ZBTB49: variants seen among roughly 807,000 people sequenced by gnomAD.
The protein encoded by ZBTB49 is zinc finger and BTB domain-containing protein 49.
In ZBTB49, 43 loss-of-function variants were observed where a neutral mutation model predicts 57.5. That is an observed-to-expected ratio of 0.75 (90% CI 0.59 to 0.97). The LOEUF (loss-of-function observed/expected upper bound fraction) is 0.97. Ranked by LOEUF, ZBTB49 falls within the 50% of genes least tolerant of loss-of-function variation. The probability of loss-of-function intolerance (pLI) is 0.00; values close to 1 mark genes in which losing one functional copy is unlikely to be tolerated. For missense variants in ZBTB49, 938 were observed against 947.7 expected, an observed-to-expected ratio of 0.99 and a Z score of 0.13; for synonymous variants, 369 against 362.1, an observed-to-expected ratio of 1.02 and a Z score of -0.22.
Position 4,315,968 on chromosome 4 carries a change from G to C in ZBTB49, c.1619G>C (p.Cys540Ser). 6.2e-7 allele frequency: 1 copy of C among 1,613,798 alleles called. No individual in the cohort carries two copies. The highest frequency in any genetic ancestry group is 8.5e-7 in the Non-Finnish European group (1 of 1,179,904). ...GAGCGGCCTTACAGCTGCTCTGCCT[G>C]CGGTGAGTTTGGGTTTCTGGCTGTC... ...TGERPYSCSA[C>S]GKCFGGSGDL... Residue 540 changes from cysteine (C) to serine (S), a missense_variant and splice_region_variant, in exon 7 of 8, where the codon TGC becomes TCC. Physicochemically the swap from Cys to Ser is moderately radical, Grantham distance 112 (BLOSUM62 -1). This residue lies in a region of ZBTB49 where 835 missense variants were observed against 819.1 expected (regional missense o/e 1.02). Coordinates refer to ENST00000337872, the MANE Select transcript of ZBTB49 (RefSeq NM_145291.4).
At chr4:4,297,893 A>G (rs940034662) in intron 1 of ZBTB49, among the ~76,000 whole-genome samples, 1 of 152,172 alleles carries the variant, frequency 6.6e-6, no homozygotes, top group Non-Finnish European at 1.5e-5. Flanking sequence ...AAAGGCTTTC[A>G]GAGGAGAGCG....
At chr4:4,298,908 T>C (rs188694185) in intron 1 of ZBTB49, among the ~76,000 whole-genome samples, 2 of 152,378 alleles carry the variant, frequency 1.3e-5, no homozygotes, top group South Asian at 4.1e-4. Flanking sequence ...TCAGGCACTT[T>C]CGTGTGTGTG....
chr4:4,308,483 T>C (rs1012363145), intron 4 of ZBTB49, among the ~76,000 whole-genome samples: 2 of 152,200 alleles, frequency 1.3e-5, no homozygotes, highest in African/African-American at 2.4e-5. Context: ...TTACCAAGGG[T>C]AGCCCTGCCC....
intron 3 of ZBTB49, among the ~76,000 whole-genome samples, chr4:4,305,805 C>T (rs1282317060): frequency 6.6e-6 from 1 of 152,112 alleles, no homozygotes; most frequent in African/African-American, 2.4e-5. Context: ...AATAGGTGAG[C>T]GGGATCGTGC....
chr4:4,318,681 T>C (rs1323548613), intron 7 of ZBTB49, among the ~76,000 whole-genome samples: 1 of 152,186 alleles, frequency 6.6e-6, no homozygotes, highest in African/African-American at 2.4e-5. Context: ...GCAGCCACCG[T>C]GTGCAGCAGT....
At position 4,321,167 on chromosome 4, in the gene ZBTB49, G is replaced by C. The variant is rs1466821443; in HGVS notation, c.2149G>C (p.Ala717Pro). ...DGMAMIRSSL[A>P]ALDNHGGDPL... The stretch of plus-strand genomic sequence containing the variant: ...CATGGCCATGATCCGTTCCTCTCTG[G>C]CTGCTTTGGACAACCACGGCGGTGA... The change falls in exon 8 of 8, where the codon GCT (alanine) becomes CCT (proline). Residue 717 changes from alanine (A) to proline (P), a missense_variant. By Grantham distance (27) the Ala-to-Pro change is conservative (BLOSUM62 -1). Coordinates refer to ENST00000337872, the MANE Select transcript of ZBTB49 (RefSeq NM_145291.4). 6.2e-7 allele frequency: 1 copy of C among 1,614,166 alleles called. No homozygotes were observed. Among genetic ancestry groups the C allele is most frequent in the Non-Finnish European group, 8.5e-7 (1 of 1,180,038 alleles).
At chr4:4,304,065 C>T (rs939253110) in intron 3 of ZBTB49, among the ~76,000 whole-genome samples, 3 of 151,958 alleles carry the variant, frequency 2.0e-5, no homozygotes, top group Admixed American at 1.3e-4. Flanking sequence ...TGTGAAGGCC[C>T]TTTATACATT....
chr4:4,299,862 A>G lies in ZBTB49; in HGVS notation c.-19-65A>G. ...AAGCACAGATCAATCAGTAAGTTTC[A>G]GTCCCATTTAGTTTCCAGTGAGGTC... is the stretch of plus-strand genomic sequence containing the variant. On this transcript the variant is annotated intron_variant, in intron 1 of 7. Coordinates refer to ENST00000337872, the MANE Select transcript of ZBTB49 (RefSeq NM_145291.4). The G allele has an allele frequency of 2.7e-6, 4 of 1,477,930 alleles. No homozygotes were observed. In the South Asian group the frequency reaches 4.9e-5, roughly 18 times the overall value. 91.6% of individuals were successfully genotyped at this position (1,477,930 alleles called of 1,614,324 possible).
At chr4:4,312,534 G>C (rs1032647312) in intron 4 of ZBTB49, among the ~76,000 whole-genome samples, 1 of 152,216 alleles carries the variant, frequency 6.6e-6, no homozygotes, top group Non-Finnish European at 1.5e-5. Context: ...AAACCTGTCA[G>C]AAAGAACCAA....
chr4:4,292,109 C>T (rs1041799273), intron 1 of ZBTB49, among the ~76,000 whole-genome samples: 1 of 152,042 alleles, frequency 6.6e-6, no homozygotes, highest in Non-Finnish European at 1.5e-5. Flanking sequence ...CCCCACCCCT[C>T]GTCCTTACTA....
chr4:4,315,662 G>A lies in ZBTB49; in HGVS notation c.1403G>A (p.Arg468His), dbSNP rs751971351. 38 of 1,614,066 alleles carry A rather than the reference G, an allele frequency of 2.4e-5. No homozygotes were observed. The highest frequency in any genetic ancestry group is 3.3e-5 in the South Asian group (3 of 91,070). Residue 468 changes from arginine (R) to histidine (H), a missense_variant, in exon 6 of 8, where the codon CGT becomes CAT. Arg to His is a conservative substitution (Grantham distance 29). This residue lies in a region of ZBTB49 where 835 missense variants were observed against 819.1 expected (regional missense o/e 1.02). Transcript: ENST00000337872. ...TTTGCAGCCTCTGGCGACGTCCAGCGTCACATTATTATTCACTCAGGAGAA... is the reference window on the plus strand; with the variant it reads ...TTTGCAGCCTCTGGCGACGTCCAGCATCACATTATTATTCACTCAGGAGAA... Reference protein sequence around the residue: ...KRFAASGDVQRHIIIHSGEKP... With the variant: ...KRFAASGDVQHHIIIHSGEKP...
chr4:4,298,268 T>C (rs1720308935), intron 1 of ZBTB49, among the ~76,000 whole-genome samples: 1 of 152,158 alleles, frequency 6.6e-6, no homozygotes, highest in Non-Finnish European at 1.5e-5. Context: ...TGCCACATAC[T>C]TGGAGTAATG....
At chr4:4,303,648 A>G (rs1720601990) in intron 3 of ZBTB49, among the ~76,000 whole-genome samples, 2 of 152,070 alleles carry the variant, frequency 1.3e-5, no homozygotes, top group African/African-American at 2.4e-5. Context: ...AATTCTTCCA[A>G]TTTAAACATT....
chr4:4,319,540 G>A (rs1721322237), intron 7 of ZBTB49, among the ~76,000 whole-genome samples: 1 of 152,208 alleles, frequency 6.6e-6, no homozygotes, highest in African/African-American at 2.4e-5. Context: ...TGAATACAGG[G>A]CCAGGCGCCA....
In ZBTB49 at chr4:4,315,891, G is replaced by C; in HGVS notation, c.1542G>C (p.Lys514Asn). The change falls in exon 7 of 8, where the codon AAG becomes AAC. Residue 514 changes from lysine (K) to asparagine (N), a missense_variant. By Grantham distance (94) the Lys-to-Asn change is moderately conservative. Transcript: ENST00000337872. ...DKVFTCDECG[K>N]SFNMQRKLVK... is the part of the protein sequence containing the mutation. ...TCTTCACCTGTGATGAGTGTGGAAAGTCTTTTAATATGCAAAGGAAGTTAG... is the reference window on the plus strand; with the variant it reads ...TCTTCACCTGTGATGAGTGTGGAAACTCTTTTAATATGCAAAGGAAGTTAG... 1 of 1,614,220 alleles carries C rather than the reference G, an allele frequency of 6.2e-7. No individual in the cohort carries two copies. Among genetic ancestry groups the C allele is most frequent in the South Asian group, 1.1e-5 (1 of 91,086 alleles).
intron 1 of ZBTB49, among the ~76,000 whole-genome samples, chr4:4,295,058 T>C (rs1720128446): frequency 6.6e-6 from 1 of 152,174 alleles, no homozygotes; most frequent in Admixed American, 6.5e-5. Flanking sequence ...ATATCTTAAT[T>C]GTTTCTCTTG....
At chr4:4,309,375 G>T (rs571697367) in intron 4 of ZBTB49, among the ~76,000 whole-genome samples, 95 of 152,300 alleles carry the variant, frequency 6.2e-4, no homozygotes, top group African/African-American at 2.2e-3. Context: ...TGACTGAGTC[G>T]CAGTCAGAGG....
chr4:4,297,219 C>T (rs962533258), intron 1 of ZBTB49, among the ~76,000 whole-genome samples: 5 of 152,108 alleles, frequency 3.3e-5, no homozygotes, highest in Non-Finnish European at 7.4e-5. Flanking sequence ...TATAGGCACT[C>T]GCCATCATGC....
chr4:4,292,385 A>G (rs1160020816), intron 1 of ZBTB49, among the ~76,000 whole-genome samples: 2 of 152,248 alleles, frequency 1.3e-5, no homozygotes, highest in Non-Finnish European at 2.9e-5. Flanking sequence ...TGTGTTTGCC[A>G]TCGTACCTTC....
Sources: gnomAD v4.1 joint callset for allele counts (sites outside exome capture counted in the v4.1 genomes callset) on GRCh38, gnomAD v4.1.1 for gene constraint, gnomAD v4.1.1 regional missense constraint, MANE v1.5 for transcripts, NCBI Gene and HGNC (gene_info 2026-07-23, HGNC 2026-07-21) for gene names.